The following MCU variants were observed in gnomAD, a reference collection of about 807,000 sequenced individuals.
MCU encodes the protein mitochondrial calcium uniporter.
A neutral mutation model predicts 45.2 loss-of-function variants in MCU; 12 were observed. The ratio of observed to expected loss-of-function variants is 0.27; its 90% CI spans 0.17 to 0.43. MCU has a LOEUF of 0.43. MCU is among the 20% of genes least tolerant of loss of function. The pLI is 1.00. For synonymous variants in MCU, 160 were observed against 165.1 expected (o/e 0.97, Z 0.24); for missense variants, 324 against 436.7 (o/e 0.74, Z 2.30).
chr10:72,760,161 C>T (rs897881554), intron 1 of MCU, among the ~76,000 whole-genome samples: 5 of 152,080 alleles, frequency 3.3e-5, no homozygotes, highest in Non-Finnish European at 5.9e-5. Flanking sequence ...CTTCCTACCT[C>T]AGCCTCCTGA....
intron 1 of MCU, among the ~76,000 whole-genome samples, chr10:72,694,106 C>T (rs1037579627): frequency 5.3e-5 from 8 of 152,084 alleles, no homozygotes; most frequent in African/African-American, 7.2e-5. Context: ...ACAATTAAAA[C>T]GAAGTGTTAT....
At position 72,886,272 on chromosome 10, in the gene MCU, A is replaced by G. The variant is rs1818502659; in HGVS notation, c.*450A>G. On this transcript the variant is annotated 3_prime_UTR_variant, in exon 8 of 8. Coordinates refer to ENST00000373053, the MANE Select transcript of MCU (RefSeq NM_138357.3). ...AAAGCAAATTCTCATGATATGCTAA[A>G]ATATCATTAGCATTTATTTTAAATT... 2 of 154,092 alleles carry G rather than the reference A, an allele frequency of 1.3e-5. No homozygotes were observed. Among genetic ancestry groups the G allele is most frequent in the Admixed American group, 1.3e-4 (2 of 15,344 alleles). 9.5% of individuals were successfully genotyped at this position (154,092 alleles called of 1,614,324 possible). A position where few individuals can be genotyped will look rare whatever the true frequency, so the allele number is the denominator to read the frequency against.
chr10:72,751,218 G>A (rs546806086), intron 1 of MCU, among the ~76,000 whole-genome samples: 2 of 151,466 alleles, frequency 1.3e-5, no homozygotes, highest in South Asian at 4.2e-4. Flanking sequence ...GGCCAGGCTG[G>A]CCTCGAACTC....
intron 1 of MCU, among the ~76,000 whole-genome samples, chr10:72,787,547 G>T (rs1390974985): frequency 1.3e-5 from 2 of 152,052 alleles, no homozygotes; most frequent in African/African-American, 4.8e-5. Flanking sequence ...GAGATTATAG[G>T]CATGAGCCAC....
chr10:72,699,569 CAA>C (rs890314745), intron 1 of MCU, among the ~76,000 whole-genome samples: 5 of 148,478 alleles, frequency 3.4e-5, no homozygotes, highest in Non-Finnish European at 7.4e-5. Flanking sequence ...ATTGAGGAAA[CAA>C]GAGTATGAGT....
At chr10:72,758,274 G>A (rs912383607) in intron 1 of MCU, among the ~76,000 whole-genome samples, 2 of 152,174 alleles carry the variant, frequency 1.3e-5, no homozygotes, top group African/African-American at 2.4e-5. Context: ...ACCTGAGCTC[G>A]AGTGATCTCT....
chr10:72,773,884 A>G (rs1339959305), intron 1 of MCU, among the ~76,000 whole-genome samples: 2 of 152,356 alleles, frequency 1.3e-5, no homozygotes, highest in African/African-American at 4.8e-5. Flanking sequence ...ATTGTCTTTC[A>G]GAAATTAAGG....
chr10:72,824,492 A>G (rs1691275090), intron 1 of MCU, among the ~76,000 whole-genome samples: 1 of 151,612 alleles, frequency 6.6e-6, no homozygotes, highest in Non-Finnish European at 1.5e-5. Context: ...TACAGGCGTG[A>G]GGCACCGCGC....
intron 1 of MCU, among the ~76,000 whole-genome samples, chr10:72,735,091 C>T (rs568765733): frequency 3.0e-4 from 43 of 141,868 alleles, no homozygotes; most frequent in East Asian, 1.1e-3. Context: ...AAAAAAAATT[C>T]GTCTGTGTTG....
chr10:72,829,052 G>A (rs540777687), intron 1 of MCU, among the ~76,000 whole-genome samples: 54 of 152,268 alleles, frequency 3.5e-4, no homozygotes, highest in Non-Finnish European at 6.6e-4. Flanking sequence ...CGGGCGCCTT[G>A]GCTAATGCCT....
chr10:72,883,154 A>T (rs1302389689), intron 6 of MCU, among the ~76,000 whole-genome samples: 1 of 152,250 alleles, frequency 6.6e-6, no homozygotes, highest in East Asian at 1.9e-4. Context: ...TTCCACTTAT[A>T]TGAAATGTCC....
At chr10:72,747,259 A>G (rs1392466754) in intron 1 of MCU, among the ~76,000 whole-genome samples, 2 of 152,230 alleles carry the variant, frequency 1.3e-5, no homozygotes, top group South Asian at 2.1e-4. Context: ...CACAATGTCT[A>G]TACGAATGTT....
intron 1 of MCU, among the ~76,000 whole-genome samples, chr10:72,793,035 T>C (rs1266192412): frequency 1.3e-5 from 2 of 152,058 alleles, no homozygotes; most frequent in African/African-American, 4.8e-5. Flanking sequence ...CATGCCACCA[T>C]GCCCGGCTAA....
intron 1 of MCU, among the ~76,000 whole-genome samples, chr10:72,696,476 A>G (rs970176500): frequency 6.6e-6 from 1 of 152,030 alleles, no homozygotes; most frequent in African/African-American, 2.4e-5. Context: ...AGAAAAAAAC[A>G]TTTCCTAGTT....
chr10:72,806,352 G>C (rs935066774), intron 1 of MCU, among the ~76,000 whole-genome samples: 1 of 152,036 alleles, frequency 6.6e-6, no homozygotes, highest in East Asian at 1.9e-4. Flanking sequence ...TAGAGACGGG[G>C]TTTCTCCATG....
In MCU at chr10:72,775,001, GAA is replaced by G. The variant is rs1463372759; in HGVS notation, c.151-59354_151-59353del. Among the ~76,000 whole-genome samples the G allele has an allele frequency of 2.6e-5, 4 of 152,100 alleles. No individual in the cohort carries two copies. The East Asian group carries it at 7.7e-4, about 29-fold the overall frequency. ...CAGTAATGGGCAGATCATCCAGACAGAAAAATCAAGAAACATCTGAGTTAAAC... is the reference window on the plus strand; with the variant it reads ...CAGTAATGGGCAGATCATCCAGACAGAAATCAAGAAACATCTGAGTTAAAC... On this transcript the variant is annotated intron_variant, in intron 1 of 7. Coordinates refer to ENST00000373053, the MANE Select transcript of MCU (RefSeq NM_138357.3).
intron 2 of MCU, among the ~76,000 whole-genome samples, chr10:72,853,555 G>A (rs1049040687): frequency 1.3e-5 from 2 of 152,198 alleles, no homozygotes; most frequent in African/African-American, 2.4e-5. Flanking sequence ...TGGAATCCCA[G>A]AAGGGTAGCA....
At chr10:72,816,213 G>A (rs1844623855) in intron 1 of MCU, among the ~76,000 whole-genome samples, 2 of 152,052 alleles carry the variant, frequency 1.3e-5, no homozygotes, top group Admixed American at 1.3e-4. Flanking sequence ...TTAGGAACTG[G>A]TATGCCATAT....
chr10:72,713,741 G>A (rs1256086621), intron 1 of MCU, among the ~76,000 whole-genome samples: 1 of 152,090 alleles, frequency 6.6e-6, no homozygotes, highest in Non-Finnish European at 1.5e-5. Flanking sequence ...AAATGAACCA[G>A]AATTTTTTTT....
Sources: allele counts gnomAD v4.1 joint callset (sites outside exome capture counted in the v4.1 genomes callset), GRCh38; gene constraint gnomAD v4.1.1; transcripts MANE v1.5; gene names NCBI Gene and HGNC (gene_info 2026-07-23, HGNC 2026-07-21).